Variants in MYLK3 observed in about 807,000 individuals in gnomAD.
MYLK3 encodes myosin light chain kinase 3.
Under a neutral mutation model 76.3 loss-of-function variants are expected in MYLK3, and 55 were observed. The ratio of observed to expected loss-of-function variants is 0.72; its 90% CI spans 0.58 to 0.90. The LOEUF (loss-of-function observed/expected upper bound fraction) is 0.90. Among genes scored for constraint, MYLK3 ranks in the 40% least tolerant of loss-of-function variants. MYLK3 has a pLI of 0.00. For synonymous variants in MYLK3, 416 were observed against 425.4 expected (o/e 0.98, Z 0.27); for missense variants, 973 against 1,053.6 (o/e 0.92, Z 1.06).
In MYLK3 at chr16:46,729,139, G is replaced by C; in HGVS notation, c.1663-6C>G. 6.2e-7 allele frequency: 1 copy of C among 1,609,586 alleles called. No individual in the cohort carries two copies. Among genetic ancestry groups the C allele is most frequent in the Non-Finnish European group, 8.5e-7 (1 of 1,175,944 alleles). On this transcript the variant is annotated splice_region_variant and splice_polypyrimidine_tract_variant and intron_variant, in intron 6 of 12. Transcript: ENST00000394809. ...ATCTCGTTCTTCACGTCCTCCTTGGGGGAACCAGAGGACAGAAGGATTTCC... is the reference window on the plus strand; with the variant it reads ...ATCTCGTTCTTCACGTCCTCCTTGGCGGAACCAGAGGACAGAAGGATTTCC...
At chr16:46,732,129 A>G in intron 4 of MYLK3, 79 bp downstream of exon 4, 4 of 1,247,864 alleles carry the variant, frequency 3.2e-6, no homozygotes, top group Non-Finnish European at 4.3e-6. Flanking sequence ...TGGAAGCTAC[A>G]GGAAGACTCC....
intron 1 of MYLK3, among the ~76,000 whole-genome samples, chr16:46,760,249 C>T (rs1394974637): frequency 6.6e-5 from 10 of 152,150 alleles, no homozygotes; most frequent in African/African-American, 1.2e-4. Context: ...TCACTGTGGA[C>T]GAGAGGGTTT....
At chr16:46,735,954 G>C (rs1213398219) in intron 3 of MYLK3, among the ~76,000 whole-genome samples, 1 of 152,214 alleles carries the variant, frequency 6.6e-6, no homozygotes, top group Non-Finnish European at 1.5e-5. Flanking sequence ...TGCTGACCAG[G>C]TCCAGCTCAA....
Position 46,732,249 on chromosome 16 carries a change from C to T in MYLK3, c.1421G>A (p.Arg474Lys), listed in dbSNP as rs1416614901. The T allele has an allele frequency of 3.7e-6, 6 of 1,600,540 alleles. No individual in the cohort carries two copies. Among genetic ancestry groups the T allele is most frequent in the Non-Finnish European group, 5.1e-6 (6 of 1,177,472 alleles). The change falls in exon 4 of 13, where the codon AGG becomes AAG. Residue 474 changes from arginine to lysine, a missense_variant. Coordinates refer to ENST00000394809, the MANE Select transcript of MYLK3 (RefSeq NM_182493.3). ...AGCCTCGGCGCCTGGGGGCATCCTC[C>T]TTACTGCTTCAGCTCTCACCGGAGC... is the stretch of plus-strand genomic sequence containing the variant. ...ARAPVRAEAV[R>K]RMPPGAEAGS...
intron 5 of MYLK3, among the ~76,000 whole-genome samples, chr16:46,730,387 T>G (rs1219670714): frequency 6.6e-6 from 1 of 151,966 alleles, no homozygotes; most frequent in African/African-American, 2.4e-5. Flanking sequence ...CCACGTGGGC[T>G]CTCGTGTCCT....
chr16:46,732,146 G>A lies in MYLK3; in HGVS notation c.1462+62C>T, dbSNP rs145723849. 7.9e-3 allele frequency: 11,092 copies of A among 1,399,810 alleles called. 48 individuals carry two copies. Among genetic ancestry groups the A allele is most frequent in the Admixed American group, 0.012 (505 of 42,668 alleles). 86.7% of individuals were successfully genotyped at this position (1,399,810 alleles called of 1,614,324 possible). ...GAAGCTACAGGAAGACTCCCCAGGAGTAGGGGCTCCAAACTCCCTCCCCTC... is the reference window on the plus strand; with the variant it reads ...GAAGCTACAGGAAGACTCCCCAGGAATAGGGGCTCCAAACTCCCTCCCCTC... On this transcript the variant is annotated intron_variant, in intron 4 of 12. Transcript: ENST00000394809.
At chr16:46,761,010 C>A (rs1424456483) in intron 1 of MYLK3, among the ~76,000 whole-genome samples, 2 of 152,126 alleles carry the variant, frequency 1.3e-5, no homozygotes, top group African/African-American at 4.8e-5. Context: ...TCTGGGGCCC[C>A]ACATCTGCAG....
At chr16:46,731,287 G>A (rs1449344739) in intron 4 of MYLK3, among the ~76,000 whole-genome samples, 1 of 152,252 alleles carries the variant, frequency 6.6e-6, no homozygotes, top group East Asian at 1.9e-4. Context: ...AAGGGAAATA[G>A]AGGACGGCCA....
In MYLK3 at chr16:46,705,607, T is replaced by G. The variant is rs1966616243; in HGVS notation, c.*2097A>C. 6.6e-6 allele frequency: 1 copy of G among 152,150 alleles called. No homozygotes were observed. The highest frequency in any genetic ancestry group is 2.1e-4 in the South Asian group (1 of 4,828). The allele number at this position is 152,150 out of a possible 1,614,324, so 9.4% of individuals were successfully genotyped here. A position where few individuals can be genotyped will look rare whatever the true frequency, so the allele number is the denominator to read the frequency against. ...AAAATCATGTAGAAGTAAGGAAATTTTAAAGATTGTATATTTTTTCATAAT... is the reference window on the plus strand; with the variant it reads ...AAAATCATGTAGAAGTAAGGAAATTGTAAAGATTGTATATTTTTTCATAAT... On this transcript the variant is annotated 3_prime_UTR_variant, in exon 13 of 13. Coordinates refer to ENST00000394809, the MANE Select transcript of MYLK3 (RefSeq NM_182493.3).
At chr16:46,748,348 G>A (rs1596774915), upstream of MYLK3, 1 of 1,344,976 alleles carries the variant, frequency 7.4e-7, no homozygotes, top group Non-Finnish European at 9.8e-7. This position sits in a 1 kb window ranked among gnomAD's most constrained non-coding sequence, Gnocchi z 4.3. Context: ...GCTGTGTGAG[G>A]AGCGCAGAGG....
At chr16:46,710,948 T>C (rs1035161467) in intron 10 of MYLK3, 159 bp from the exon 11 acceptor site, 2 of 791,322 alleles carry the variant, frequency 2.5e-6, no homozygotes, top group Non-Finnish European at 4.1e-6. Context: ...TGGAGTCCAG[T>C]GTGTTCATTA....
chr16:46,726,807 GA>G lies in MYLK3; in HGVS notation c.1914+428del, dbSNP rs1445480470. ...GGAGGGAGGGAAGAATGCATCGTAG[GA>G]TCTCCTTTTGTGTGTCTGTGAGTCA... On this transcript the variant is annotated intron_variant, in intron 8 of 12. Transcript: ENST00000394809. The G allele has an allele frequency of 2.0e-5, 3 of 152,940 alleles. No individual in the cohort carries two copies. In the Admixed American group the frequency reaches 2.0e-4, roughly 10 times the overall value. 9.5% of individuals were successfully genotyped at this position (152,940 alleles called of 1,614,324 possible).
chr16:46,705,150 G>A lies in MYLK3; in HGVS notation c.*2554C>T, dbSNP rs1288934827. 1 of 152,230 alleles carries A rather than the reference G, an allele frequency of 6.6e-6. No homozygotes were observed. Among genetic ancestry groups the A allele is most frequent in the Non-Finnish European group, 1.5e-5 (1 of 68,052 alleles). The allele number at this position is 152,230 out of a possible 1,614,324, so 9.4% of individuals were successfully genotyped here. A position where few individuals can be genotyped will look rare whatever the true frequency, so the allele number is the denominator to read the frequency against. The stretch of plus-strand genomic sequence containing the variant: ...CCTACCTCTCTGTCAAAAAGCAAGA[G>A]CCTCTGTTACAGGACAAAAATCCTG... On this transcript the variant is annotated 3_prime_UTR_variant, in exon 13 of 13. Transcript: ENST00000394809.
chr16:46,727,899 T>C (rs946242686), intron 7 of MYLK3, among the ~76,000 whole-genome samples: 1 of 152,092 alleles, frequency 6.6e-6, no homozygotes, highest in African/African-American at 2.4e-5. Flanking sequence ...AAAAAGGAAG[T>C]GACAGGTCAA....
intron 1 of MYLK3, among the ~76,000 whole-genome samples, chr16:46,741,911 C>T (rs1463466602): frequency 6.6e-6 from 1 of 152,074 alleles, no homozygotes; most frequent in Non-Finnish European, 1.5e-5. Flanking sequence ...GCTGGGACTA[C>T]AGGCACGTGC....
intron 1 of MYLK3, among the ~76,000 whole-genome samples, chr16:46,745,914 G>C (rs1001801285): frequency 1.1e-4 from 17 of 152,140 alleles, no homozygotes; most frequent in Non-Finnish European, 1.6e-4. Flanking sequence ...GCTTGCCTAG[G>C]GGGCCAGGGT....
chr16:46,739,945 A>T (rs1024525975), intron 2 of MYLK3, 112 bp downstream of exon 2: 24 of 747,958 alleles, frequency 3.2e-5, no homozygotes, highest in Non-Finnish European at 5.3e-5. Flanking sequence ...ACAAGAAAAA[A>T]AGAAGCTTTG....
At chr16:46,710,236 A>T (rs1966669185) in intron 11 of MYLK3, among the ~76,000 whole-genome samples, 1 of 152,248 alleles carries the variant, frequency 6.6e-6, no homozygotes, top group Non-Finnish European at 1.5e-5. Flanking sequence ...CAAAAAACTC[A>T]AATGGCTTGA....
intron 8 of MYLK3, chr16:46,726,715 A>AAG (rs1966842573): frequency 6.7e-6 from 1 of 149,884 alleles, no homozygotes; most frequent in African/African-American, 2.5e-5. Flanking sequence ...GAAAGAAAGA[A>AAG]AGAAAGAAAG....
Sources: allele counts gnomAD v4.1 joint callset (sites outside exome capture counted in the v4.1 genomes callset), GRCh38; gene constraint gnomAD v4.1.1; non-coding constraint Gnocchi (gnomAD v3.1); transcripts MANE v1.5; gene names NCBI Gene and HGNC (gene_info 2026-07-23, HGNC 2026-07-21).